The following CYB561 variants were observed in gnomAD, a reference collection of about 807,000 sequenced individuals.
CYB561 encodes transmembrane ascorbate-dependent reductase CYB561.
CYB561 carries 11 observed loss-of-function variants against 25.3 expected under a neutral mutation model. The ratio of observed to expected loss-of-function variants is 0.44; its 90% CI spans 0.27 to 0.72. The LOEUF is 0.72. Ranked by LOEUF, CYB561 falls within the 30% of genes least tolerant of loss-of-function variation. The pLI, the probability that CYB561 is intolerant of heterozygous loss-of-function variation, is 0.18. For synonymous variants in CYB561, 165 were observed against 158.8 expected, an observed-to-expected ratio of 1.04 and a Z score of -0.29; for missense variants, 295 against 334.9, an observed-to-expected ratio of 0.88 and a Z score of 0.93.
In CYB561 at chr17:63,436,156, T is replaced by TGGGAGGTGAGAGAG. The variant is rs769568383; in HGVS notation, c.203-18_203-5dup. ...AAGACACGGTAAACCAGCAGGGCTG[T>TGGGAGGTGAGAGAG]GGGAGGTGAGAGAGGGAACGTGAGT... On this transcript the variant is annotated splice_polypyrimidine_tract_variant and splice_region_variant and intron_variant, in intron 2 of 5. Transcript: ENST00000360793. The surrounding 1 kb of genome is among the most constrained non-coding windows in gnomAD (Gnocchi z 4.8). 676 of 1,613,504 alleles carry TGGGAGGTGAGAGAG rather than the reference T, an allele frequency of 4.2e-4. No individual in the cohort carries two copies. The highest frequency in any genetic ancestry group is 5.1e-4 in the Non-Finnish European group (602 of 1,179,674).
At chr17:63,445,958 G>A (rs1411643204) in intron 1 of CYB561, 2 of 152,394 alleles carry the variant, frequency 1.3e-5, no homozygotes, top group Non-Finnish European at 2.9e-5. Flanking sequence ...GCAAGCGGGG[G>A]TCTCGGTTCT....
intron 4 of CYB561, 186 bp downstream of exon 4, chr17:63,435,502 T>C: frequency 2.9e-6 from 2 of 691,198 alleles, no homozygotes; most frequent in Non-Finnish European, 4.9e-6. Context: ...ATGGGGCGCC[T>C]GGGAGCTGGG....
chr17:63,442,608 A>C (rs1204474863), intron 1 of CYB561, among the ~76,000 whole-genome samples: 1 of 152,092 alleles, frequency 6.6e-6, no homozygotes, highest in Non-Finnish European at 1.5e-5. Context: ...CAAGGGCTCC[A>C]CTGCCCTGCA....
chr17:63,444,839 G>A (rs1599124380), intron 1 of CYB561, among the ~76,000 whole-genome samples: 1 of 152,214 alleles, frequency 6.6e-6, no homozygotes, highest in African/African-American at 2.4e-5. Context: ...ATTAGCAGGA[G>A]CCCAAGCTCT....
intron 5 of CYB561, 86 bp from the exon 6 acceptor site, chr17:63,434,680 A>G (rs930171100): frequency 3.2e-6 from 4 of 1,236,440 alleles, no homozygotes; most frequent in South Asian, 2.9e-5. Flanking sequence ...TAAAGATGCC[A>G]TGGGGATTCC....
At chr17:63,438,011 T>TCGCTCTCCTACC in intron 1 of CYB561, 1 of 855,032 alleles carries the variant, frequency 1.2e-6, no homozygotes, top group Non-Finnish European at 1.5e-6. Flanking sequence ...GAAGCAGCGC[T>TCGCTCTCCTACC]CGCTCTCCTA....
intron 5 of CYB561, 64 bp downstream of exon 5, chr17:63,435,022 A>C: frequency 6.6e-7 from 1 of 1,504,616 alleles, no homozygotes; most frequent in Non-Finnish European, 8.9e-7. Context: ...GGGGAAGCTG[A>C]AGGCAGGGTG....
Position 63,435,781 on chromosome 17 carries a change from C to T in CYB561, c.312G>A (p.Ala104=), listed in dbSNP as rs749315145. ...CCTTCTTCCTGTGGTAGTCGAACAC[C>T]GCCACCAAGCCTGGGCCAGAGACAG... ...ALVIALVGLV[A]VFDYHRKKGY... The change falls in exon 4 of 6, where the codon GCG becomes GCA. Residue 104 remains alanine (A), a synonymous_variant. Coordinates refer to ENST00000360793, the MANE Select transcript of CYB561 (RefSeq NM_001915.4). 8 of 1,613,986 alleles carry T rather than the reference C, an allele frequency of 5.0e-6. No homozygotes were observed. Among genetic ancestry groups the T allele is most frequent in the East Asian group, 2.2e-5 (1 of 44,892 alleles).
At chr17:63,434,998 A>T (rs2049278258) in intron 5 of CYB561, 88 bp downstream of exon 5, 1 of 1,396,932 alleles carries the variant, frequency 7.2e-7, no homozygotes, top group Non-Finnish European at 9.7e-7. Context: ...GAGGCGGCTC[A>T]GGAAGCCACA....
intron 4 of CYB561, 70 bp from the exon 5 acceptor site, chr17:63,435,313 C>T (rs1449129544): frequency 4.5e-6 from 7 of 1,540,602 alleles, no homozygotes; most frequent in South Asian, 2.4e-5. Flanking sequence ...TCGGCCAGGC[C>T]CACACCCACG....
At position 63,432,655 on chromosome 17, in the gene CYB561, A is replaced by G. The variant is rs938888285; in HGVS notation, c.*1747T>C. 6.6e-6 allele frequency: 1 copy of G among 152,312 alleles called. No homozygotes were observed. Among genetic ancestry groups the G allele is most frequent in the African/African-American group, 2.4e-5 (1 of 41,456 alleles). 9.4% of individuals were successfully genotyped at this position (152,312 alleles called of 1,614,324 possible). ...CCTACCCCTGAAGAGTGTACAGTCT[A>G]AACAGGAGGCGAACACTGTCATCCG... is the stretch of plus-strand genomic sequence containing the variant. On this transcript the variant is annotated 3_prime_UTR_variant, in exon 6 of 6. Coordinates refer to ENST00000360793, the MANE Select transcript of CYB561 (RefSeq NM_001915.4).
At chr17:63,444,864 A>T (rs1049256844) in intron 1 of CYB561, among the ~76,000 whole-genome samples, 1 of 152,180 alleles carries the variant, frequency 6.6e-6, no homozygotes, top group African/African-American at 2.4e-5. Flanking sequence ...GCCAAGGAAA[A>T]GTGGTGAGGG....
chr17:63,437,108 T>G (rs916835626), intron 2 of CYB561: 48 of 553,608 alleles, frequency 8.7e-5, no homozygotes, highest in African/African-American at 8.3e-4. Context: ...TTGGATGCTG[T>G]GTGTGGAAAC....
intron 1 of CYB561, 112 bp from the exon 2 acceptor site, chr17:63,437,672 A>C: frequency 3.0e-6 from 2 of 676,886 alleles, no homozygotes; most frequent in Non-Finnish European, 4.6e-6. Context: ...CGAGATGTAC[A>C]CACCCCTCAA....
Position 63,436,905 on chromosome 17 carries a change from C to A in CYB561, c.202+441G>T, listed in dbSNP as rs2049307260. 6.6e-6 allele frequency among the ~76,000 whole-genome samples: 1 copy of A among 152,222 alleles called. No homozygotes were observed. Among genetic ancestry groups the A allele is most frequent in the Non-Finnish European group, 1.5e-5 (1 of 68,042 alleles). ...GGAGGCAGGTGGAGGCCAAGCACTG[C>A]CTTGCTCCTGCCCCAGGGGGAGGCG... On this transcript the variant is annotated intron_variant, in intron 2 of 5. Coordinates refer to ENST00000360793, the MANE Select transcript of CYB561 (RefSeq NM_001915.4). The surrounding 1 kb of genome is among the most constrained non-coding windows in gnomAD (Gnocchi z 4.8).
At chr17:63,444,532 G>A (rs193266758) in intron 1 of CYB561, among the ~76,000 whole-genome samples, 36 of 152,248 alleles carry the variant, frequency 2.4e-4, no homozygotes, top group African/African-American at 7.5e-4. Flanking sequence ...CTTAGAAAGA[G>A]TCACACTGCT....
chr17:63,440,192 C>G (rs1030361409), intron 1 of CYB561: 22 of 398,682 alleles, frequency 5.5e-5, no homozygotes, highest in Middle Eastern at 6.2e-4. Context: ...TCATCTCTAC[C>G]TGGACATCCC....
At chr17:63,437,275 A>C in intron 2 of CYB561, 71 bp downstream of exon 2, 1 of 1,208,686 alleles carries the variant, frequency 8.3e-7, no homozygotes, top group Non-Finnish European at 1.2e-6. Flanking sequence ...CAGGGGTGAC[A>C]AGACCCCTGC....
At position 63,436,293 on chromosome 17, in the gene CYB561, G is replaced by T. The variant is rs1328004724; in HGVS notation, c.203-141C>A. 3 of 1,126,554 alleles carry T rather than the reference G, an allele frequency of 2.7e-6. No individual in the cohort carries two copies. The highest frequency in any genetic ancestry group is 3.7e-6 in the Non-Finnish European group (3 of 803,580). The allele number at this position is 1,126,554 out of a possible 1,614,324, so 69.8% of individuals were successfully genotyped here. ...GAGCCTAGCTGCAGGAACCGGAGGAGAAAGCCAGGTTCCCTGGGGACCCTG... is the reference window on the plus strand; with the variant it reads ...GAGCCTAGCTGCAGGAACCGGAGGATAAAGCCAGGTTCCCTGGGGACCCTG... On this transcript the variant is annotated intron_variant, in intron 2 of 5. Transcript: ENST00000360793. The surrounding 1 kb of genome is among the most constrained non-coding windows in gnomAD (Gnocchi z 4.8).
Sources: gnomAD v4.1 joint callset for allele counts (sites outside exome capture counted in the v4.1 genomes callset) on GRCh38, gnomAD v4.1.1 for gene constraint, Gnocchi (gnomAD v3.1) non-coding constraint, MANE v1.5 for transcripts, NCBI Gene and HGNC (gene_info 2026-07-23, HGNC 2026-07-21) for gene names.